Variants in SCRIB observed in about 807,000 individuals in gnomAD.
SCRIB encodes the protein protein scribble homolog.
A neutral mutation model predicts 170.0 loss-of-function variants in SCRIB; 72 were observed. The observed-to-expected ratio is 0.42, with a 90% CI of 0.35 to 0.52. SCRIB has a LOEUF of 0.52. Among genes scored for constraint, SCRIB ranks in the 20% least tolerant of loss-of-function variants. The pLI, the probability that SCRIB is intolerant of heterozygous loss-of-function variation, is 0.02. For synonymous variants in SCRIB, 1,298 were observed against 1,044.3 expected, an observed-to-expected ratio of 1.24 and a Z score of -4.68; for missense variants, 2,475 against 2,338.5, an observed-to-expected ratio of 1.06 and a Z score of -1.20.
intron 9 of SCRIB, among the ~76,000 whole-genome samples, 174 bp from the exon 10 acceptor site, chr8:143,811,519 G>A (rs916562720): frequency 4.6e-5 from 7 of 152,022 alleles, no homozygotes; most frequent in African/African-American, 1.2e-4. Flanking sequence ...ACCCCACTTC[G>A]TGCCCTCTGC....
At chr8:143,795,635 G>C in intron 24 of SCRIB, 105 bp from the exon 25 acceptor site, 1 of 991,486 alleles carries the variant, frequency 1.0e-6, no homozygotes, top group East Asian at 2.6e-5. Context: ...GGTGAGCCCA[G>C]GAGCCGCGTC....
intron 24 of SCRIB, among the ~76,000 whole-genome samples, chr8:143,798,547 G>C (rs1563792602): frequency 6.6e-6 from 1 of 152,172 alleles, no homozygotes; most frequent in African/African-American, 2.4e-5. Context: ...CGATCCTCCT[G>C]TTTCAGCCTC....
intron 24 of SCRIB, among the ~76,000 whole-genome samples, chr8:143,796,017 C>T (rs1814927959): frequency 6.6e-6 from 1 of 152,156 alleles, no homozygotes; most frequent in Admixed American, 6.5e-5. Flanking sequence ...GCCAGCTCTG[C>T]ACTCCCCAGA....
intron 9 of SCRIB, among the ~76,000 whole-genome samples, 160 bp downstream of exon 9, chr8:143,812,106 G>A (rs1383440609): frequency 3.3e-5 from 5 of 152,070 alleles, no homozygotes; most frequent in Non-Finnish European, 7.4e-5. Flanking sequence ...CCTCACCTCC[G>A]GCCAGCATGC....
In SCRIB at chr8:143,804,167, A is replaced by C; in HGVS notation, c.3010-11T>G. ...TGGCAGACGGATCTCCTGGGGATTT[A>C]GGGCGGGACAAGGACAGGCCTCGGT... On this transcript the variant is annotated splice_polypyrimidine_tract_variant and intron_variant, in intron 21 of 36. Coordinates refer to ENST00000356994, the MANE Select transcript of SCRIB (RefSeq NM_182706.5). The C allele has an allele frequency of 6.3e-7, 1 of 1,591,318 alleles. No individual in the cohort carries two copies. The highest frequency in any genetic ancestry group is 1.1e-5 in the South Asian group (1 of 89,310).
chr8:143,811,927 G>A (rs942791122), intron 9 of SCRIB, among the ~76,000 whole-genome samples: 26 of 152,168 alleles, frequency 1.7e-4, no homozygotes, highest in African/African-American at 5.6e-4. Context: ...GCAGGCAGAC[G>A]CCCCTGGGGA....
At chr8:143,799,704 G>T (rs1274742483) in intron 24 of SCRIB, among the ~76,000 whole-genome samples, 1 of 152,022 alleles carries the variant, frequency 6.6e-6, no homozygotes, top group Non-Finnish European at 1.5e-5. Context: ...AGGCCCGACA[G>T]CAAGTGAGGG....
chr8:143,803,360 G>T (rs781827941), intron 24 of SCRIB, 23 bp downstream of exon 24: 2 of 1,535,530 alleles, frequency 1.3e-6, no homozygotes, highest in Admixed American at 3.7e-5. Context: ...GGGAGGCCCG[G>T]TCCCCGGGGC....
chr8:143,795,279 C>A lies in SCRIB; in HGVS notation c.3769G>T (p.Ala1257Ser), dbSNP rs200246577. 73 of 1,612,610 alleles carry A rather than the reference C, an allele frequency of 4.5e-5. No individual in the cohort carries two copies. The highest frequency in any genetic ancestry group is 1.3e-4 in the African/African-American group (10 of 75,036). Residue 1257 changes from alanine to serine, a missense_variant and splice_region_variant, in exon 26 of 37, where the codon GCA (alanine) becomes TCA (serine). Physicochemically the swap from Ala to Ser is moderately conservative, Grantham distance 99. Transcript: ENST00000356994. ...GGGGGTGGGGCGACCACACTCACTG[C>A]GGCTTCTGTGGCCTCGGGCCCCCAG... Reference protein sequence around the residue: ...LHWGPEATEAAGRGLQPLKLD... With the variant: ...LHWGPEATEASGRGLQPLKLD...
chr8:143,809,192 C>G (rs944334876), intron 14 of SCRIB, among the ~76,000 whole-genome samples, 167 bp from the exon 15 acceptor site: 36 of 152,304 alleles, frequency 2.4e-4, no homozygotes, highest in African/African-American at 7.9e-4. Context: ...CTGAGAAAAG[C>G]TGAAGGCCAG....
Position 143,811,205 on chromosome 8 carries a change from G to C in SCRIB, c.1047C>G (p.Val349=). Residue 349 remains valine, a synonymous_variant, in exon 10 of 37, where the codon GTC becomes GTG. Coordinates refer to ENST00000356994, the MANE Select transcript of SCRIB (RefSeq NM_182706.5). ...TCGTGTGGGCCAGCTCTGGTGGCAGGACGGCCAGGCGGTTGTCCCTCAAGG... is the reference window on the plus strand; with the variant it reads ...TCGTGTGGGCCAGCTCTGGTGGCAGCACGGCCAGGCGGTTGTCCCTCAAGG... ...VLSLRDNRLA[V]LPPELAHTTE... The C allele has an allele frequency of 2.5e-6, 4 of 1,611,546 alleles. No homozygotes were observed. The highest frequency in any genetic ancestry group is 3.4e-6 in the Non-Finnish European group (4 of 1,179,396).
At chr8:143,806,660 C>T (rs1473964987) in intron 17 of SCRIB, among the ~76,000 whole-genome samples, 176 bp from the exon 18 acceptor site, 3 of 152,228 alleles carry the variant, frequency 2.0e-5, no homozygotes, top group African/African-American at 4.8e-5. Context: ...AGAAGGAGCA[C>T]GTCAGCCCCG....
chr8:143,802,937 C>T (rs1361110321), intron 24 of SCRIB, among the ~76,000 whole-genome samples: 5 of 152,182 alleles, frequency 3.3e-5, no homozygotes, highest in African/African-American at 9.7e-5. Flanking sequence ...CAGGGATGGG[C>T]TGAGAGGAGC....
chr8:143,810,036 C>T (rs1815634310), intron 13 of SCRIB, among the ~76,000 whole-genome samples: 1 of 152,154 alleles, frequency 6.6e-6, no homozygotes, highest in African/African-American at 2.4e-5. Context: ...TGCACGGCCC[C>T]ACACACCCTA....
At position 143,799,795 on chromosome 8, in the gene SCRIB, C is replaced by CAT. The variant is rs1554634670; in HGVS notation, c.3603+3587_3603+3588insAT. Among the ~76,000 whole-genome samples, 68 of 144,038 alleles carry CAT rather than the reference C, an allele frequency of 4.7e-4. 1 individual carries two copies. The highest frequency in any genetic ancestry group is 3.4e-3 in the Middle Eastern group (1 of 290). 94.5% of individuals were successfully genotyped at this position (144,038 alleles called of 152,430 possible). Reference sequence around the variant, plus strand: ...GGAGACGTAGGCTCTGACAGACAGACGTGGGCCGTAGAAAGCAGGAGACGT... The same window carrying CAT: ...GGAGACGTAGGCTCTGACAGACAGACATGTGGGCCGTAGAAAGCAGGAGACGT... On this transcript the variant is annotated intron_variant, in intron 24 of 36. Transcript: ENST00000356994.
chr8:143,793,390 G>A (rs920670095), intron 28 of SCRIB: 3 of 329,452 alleles, frequency 9.1e-6, no homozygotes, highest in Non-Finnish European at 1.7e-5. Context: ...CAGGATCAGG[G>A]GTTTAAGGCA....
intron 1 of SCRIB, 63 bp from the exon 2 acceptor site, chr8:143,814,181 G>A (rs1219453007): frequency 4.5e-6 from 6 of 1,345,940 alleles, no homozygotes; most frequent in African/African-American, 2.9e-5. Flanking sequence ...AAGAGCTCCT[G>A]GACACGTGAG....
chr8:143,803,598 A>T (rs1554635480), intron 23 of SCRIB, 27 bp from the exon 24 acceptor site: 1 of 1,180,484 alleles, frequency 8.5e-7, no homozygotes, highest in Non-Finnish European at 1.1e-6. Flanking sequence ...TATGGGAGAG[A>T]CCTGTTGGGG....
In SCRIB at chr8:143,812,716, A is replaced by T. The variant is rs192084279; in HGVS notation, c.787+101T>A. On this transcript the variant is annotated intron_variant, in intron 8 of 36. Coordinates refer to ENST00000356994, the MANE Select transcript of SCRIB (RefSeq NM_182706.5). Reference sequence around the variant, plus strand: ...CTCCCAGAGCCTGGGCACACTCAGGATCCTCCCCTGTGTTCCACACCACAC... The same window carrying T: ...CTCCCAGAGCCTGGGCACACTCAGGTTCCTCCCCTGTGTTCCACACCACAC... The T allele has an allele frequency of 3.4e-4, 492 of 1,450,950 alleles. 1 individual carries two copies. In the African/African-American group the frequency reaches 6.3e-3, roughly 19 times the overall value. 89.9% of individuals were successfully genotyped at this position (1,450,950 alleles called of 1,614,324 possible).
Sources: gnomAD v4.1 joint callset for allele counts (sites outside exome capture counted in the v4.1 genomes callset) on GRCh38, gnomAD v4.1.1 for gene constraint, MANE v1.5 for transcripts, NCBI Gene and HGNC (gene_info 2026-07-23, HGNC 2026-07-21) for gene names.